Variants in MROH2B observed in about 807,000 individuals in gnomAD.
The protein encoded by MROH2B is maestro heat like repeat family member 2B, also known as maestro heat-like repeat-containing protein family member 2B.
In MROH2B, 177 loss-of-function variants were observed where a neutral mutation model predicts 208.6. That is an observed-to-expected ratio of 0.85 (90% CI 0.75 to 0.96). The LOEUF (loss-of-function observed/expected upper bound fraction) is 0.96, where lower values mean the gene tolerates loss of function less well. Among genes scored for constraint, MROH2B ranks in the 40% least tolerant of loss-of-function variants. MROH2B has a pLI of 0.00. For synonymous variants in MROH2B, 728 were observed against 659.0 expected, an observed-to-expected ratio of 1.10 and a Z score of -1.60; for missense variants, 2,002 against 1,878.7, an observed-to-expected ratio of 1.07 and a Z score of -1.21.
rs1366369791 is a variant in MROH2B, at chr5:41,052,544, T to C, written c.1151A>G (p.Lys384Arg). 2 of 1,611,896 alleles carry C rather than the reference T, an allele frequency of 1.2e-6. No individual in the cohort carries two copies. Among genetic ancestry groups the C allele is most frequent in the Non-Finnish European group, 1.7e-6 (2 of 1,178,716 alleles). Residue 384 changes from lysine to arginine, a missense_variant, in exon 12 of 42, where the codon AAG becomes AGG. Lys to Arg is a conservative substitution (Grantham distance 26, BLOSUM62 2). Coordinates refer to ENST00000399564, the MANE Select transcript of MROH2B (RefSeq NM_173489.5). Reference protein sequence around the residue: ...VLLLIQTMCEKSYIEAREGWP... With the variant: ...VLLLIQTMCERSYIEAREGWP... ...TCCTTCCCGAGCTTCAATATAGGACTTTTCACACATGGTTTGGATGAGGAG... is the reference window on the plus strand; with the variant it reads ...TCCTTCCCGAGCTTCAATATAGGACCTTTCACACATGGTTTGGATGAGGAG...
At chr5:41,052,649 T>C in intron 11 of MROH2B, 62 bp from the exon 12 acceptor site, 1 of 1,420,820 alleles carries the variant, frequency 7.0e-7, no homozygotes. Flanking sequence ...AAATTTACCT[T>C]ATTTTATTCT....
intron 27 of MROH2B, 121 bp downstream of exon 27, chr5:41,018,220 C>A: frequency 9.0e-7 from 1 of 1,105,968 alleles, no homozygotes; most frequent in Non-Finnish European, 1.3e-6. Flanking sequence ...CAAAAGTGTT[C>A]CGAAAAGCAC....
intron 17 of MROH2B, 111 bp from the exon 18 acceptor site, chr5:41,045,964 A>T: frequency 1.7e-6 from 1 of 581,120 alleles, no homozygotes; most frequent in Non-Finnish European, 2.8e-6. Context: ...AAATAGTATT[A>T]TTCCCTTTTC....
chr5:41,058,358 T>A, intron 6 of MROH2B, 155 bp from the exon 7 acceptor site: 1 of 766,470 alleles, frequency 1.3e-6, no homozygotes, highest in Non-Finnish European at 1.9e-6. Context: ...TTAAAAAATG[T>A]TCAGGTTAAG....
intron 41 of MROH2B, among the ~76,000 whole-genome samples, chr5:40,998,372 G>A (rs1165970515): frequency 6.6e-6 from 1 of 152,168 alleles, no homozygotes; most frequent in African/African-American, 2.4e-5. Context: ...CTGACCTTGT[G>A]ATCAGTAGGT....
At chr5:40,999,343 G>A (rs1046984573) in intron 40 of MROH2B, among the ~76,000 whole-genome samples, 7 of 152,152 alleles carry the variant, frequency 4.6e-5, no homozygotes, top group African/African-American at 1.7e-4. Flanking sequence ...CTTATGGGAT[G>A]AGGTGAAGAA....
chr5:41,037,267 A>G (rs748575281), intron 21 of MROH2B, among the ~76,000 whole-genome samples: 1 of 152,176 alleles, frequency 6.6e-6, no homozygotes, highest in Non-Finnish European at 1.5e-5. Flanking sequence ...AGTTTCTTGT[A>G]GAGATGAAGT....
At chr5:41,015,287 ATATC>A in intron 29 of MROH2B, 90 bp downstream of exon 29, 3 of 1,109,682 alleles carry the variant, frequency 2.7e-6, no homozygotes, top group Non-Finnish European at 3.9e-6. Context: ...TTCAGCTTGA[ATATC>A]TATCTTCTTT....
At chr5:41,068,093 T>C (rs1743866648) in intron 2 of MROH2B, among the ~76,000 whole-genome samples, 1 of 152,212 alleles carries the variant, frequency 6.6e-6, no homozygotes, top group African/African-American at 2.4e-5. Context: ...TAGGTGGCTA[T>C]GTGTCCTCTG....
In MROH2B at chr5:40,998,124, A is replaced by G; in HGVS notation, c.4686T>C (p.Ser1562=). 1 of 1,612,582 alleles carries G rather than the reference A, an allele frequency of 6.2e-7. No individual in the cohort carries two copies. Among genetic ancestry groups the G allele is most frequent in the Non-Finnish European group, 8.5e-7 (1 of 1,178,788 alleles). ...AAGCAGCCTCAGCTGCTCTCTGGACACTAATACACGGATCTTGACGAAGTG... is the reference window on the plus strand; with the variant it reads ...AAGCAGCCTCAGCTGCTCTCTGGACGCTAATACACGGATCTTGACGAAGTG... ...LQALRQDPCI[S]VQRAAEAALQ... The change falls in exon 42 of 42, where the codon AGT becomes AGC. Residue 1562 remains serine, a synonymous_variant. Transcript: ENST00000399564.
chr5:41,000,533 G>T, intron 38 of MROH2B, 145 bp downstream of exon 38: 1 of 1,325,542 alleles, frequency 7.5e-7, no homozygotes, highest in Non-Finnish European at 1.0e-6. Context: ...ATAGTAAGAA[G>T]AACCTAGAAT....
At position 41,049,375 on chromosome 5, in the gene MROH2B, G is replaced by A; in HGVS notation, c.1406C>T (p.Pro469Leu). 1 of 1,613,660 alleles carries A rather than the reference G, an allele frequency of 6.2e-7. No homozygotes were observed. Among genetic ancestry groups the A allele is most frequent in the Non-Finnish European group, 8.5e-7 (1 of 1,179,748 alleles). The part of the protein sequence containing the change: ...VPAEYTEALE[P>L]LFSIIRILIM... ...CAGAATTCTGATGATACTAAACAGG[G>A]GCTCCAGAGCTTCTGTGTATTCTGC... The change falls in exon 14 of 42, where the codon CCC becomes CTC. Residue 469 changes from proline (P) to leucine (L), a missense_variant. Pro to Leu is a moderately conservative substitution (Grantham distance 98, BLOSUM62 -3). Transcript: ENST00000399564.
At position 41,012,737 on chromosome 5, in the gene MROH2B, T is replaced by G; in HGVS notation, c.2983-2A>C. On this transcript the variant is annotated splice_acceptor_variant, in intron 29 of 41. Transcript: ENST00000399564. LOFTEE classifies it high-confidence loss of function. Reference sequence around the variant, plus strand: ...ATTTGGGATGAACTTACTGACAATCTGAAAATGCACCCAGAAAGATTCGTG... The same window carrying G: ...ATTTGGGATGAACTTACTGACAATCGGAAAATGCACCCAGAAAGATTCGTG... The G allele has an allele frequency of 6.2e-7, 1 of 1,613,106 alleles. No individual in the cohort carries two copies. Among genetic ancestry groups the G allele is most frequent in the African/African-American group, 1.3e-5 (1 of 75,002 alleles).
chr5:41,063,611 G>T (rs754071119), intron 5 of MROH2B, among the ~76,000 whole-genome samples: 9 of 152,208 alleles, frequency 5.9e-5, no homozygotes, highest in Non-Finnish European at 1.0e-4. Context: ...TTGTTTCTAG[G>T]TAAAGAAGAC....
intron 24 of MROH2B, among the ~76,000 whole-genome samples, chr5:41,025,104 C>G (rs904638530): frequency 1.3e-5 from 2 of 152,106 alleles, no homozygotes; most frequent in African/African-American, 2.4e-5. Flanking sequence ...AATTGACACC[C>G]TAACATCACA....
In MROH2B at chr5:41,000,368, T is replaced by A. The variant is rs1210767398; in HGVS notation, c.4351-17A>T. ...ACGGCAAGCCTGGAAAACAGAGTTT[T>A]CTGCATCACAGTCCAGAACGTTAGG... is the stretch of plus-strand genomic sequence containing the variant. On this transcript the variant is annotated splice_polypyrimidine_tract_variant and intron_variant, in intron 38 of 41. Coordinates refer to ENST00000399564, the MANE Select transcript of MROH2B (RefSeq NM_173489.5). 2 of 1,612,710 alleles carry A rather than the reference T, an allele frequency of 1.2e-6. No individual in the cohort carries two copies. Among genetic ancestry groups the A allele is most frequent in the Non-Finnish European group, 1.7e-6 (2 of 1,179,484 alleles).
intron 41 of MROH2B, 55 bp downstream of exon 41, chr5:40,998,557 T>C (rs1741282344): frequency 1.4e-6 from 2 of 1,425,562 alleles, no homozygotes; most frequent in African/African-American, 1.4e-5. Context: ...AGCAATATTT[T>C]CTCTTTTCCT....
intron 24 of MROH2B, among the ~76,000 whole-genome samples, chr5:41,027,885 G>T (rs1232404380): frequency 6.6e-6 from 1 of 152,132 alleles, no homozygotes; most frequent in African/African-American, 2.4e-5. Context: ...CATGTCCTTT[G>T]TAGGGACATG....
rs1451453491 is a variant in MROH2B, at chr5:41,017,837, A to G, written c.2884+13T>C. ...TCTTTTCTTCATTTGTGGGTTCCCC[A>G]TCTTTCCCTCACCTTTTATATAGAA... On this transcript the variant is annotated intron_variant, in intron 28 of 41. Coordinates refer to ENST00000399564, the MANE Select transcript of MROH2B (RefSeq NM_173489.5). 6.3e-7 allele frequency: 1 copy of G among 1,575,438 alleles called. No homozygotes were observed. The highest frequency in any genetic ancestry group is 1.9e-5 in the Admixed American group (1 of 52,740).
Sources: allele counts gnomAD v4.1 joint callset (sites outside exome capture counted in the v4.1 genomes callset), GRCh38; gene constraint gnomAD v4.1.1; transcripts MANE v1.5; gene names NCBI Gene and HGNC (gene_info 2026-07-23, HGNC 2026-07-21).